MMP10: variants seen among roughly 807,000 people sequenced by gnomAD.
MMP10 encodes the protein stromelysin-2.
In MMP10, 50 loss-of-function variants were observed where a neutral mutation model predicts 49.1. That is an observed-to-expected ratio of 1.02 (90% CI 0.81 to 1.29). The LOEUF (loss-of-function observed/expected upper bound fraction) is 1.29. Ranked by LOEUF, MMP10 falls within the 50% of genes most tolerant of loss-of-function variation. The probability of loss-of-function intolerance (pLI) is 0.00; values close to 1 mark genes in which losing one functional copy is unlikely to be tolerated. For synonymous variants in MMP10, 229 were observed against 201.6 expected (o/e 1.14, Z -1.15); for missense variants, 613 against 563.8 (o/e 1.09, Z -0.88).
Position 102,778,741 on chromosome 11 carries a change from C to G in MMP10, c.505G>C (p.Asp169His). 4 of 1,613,766 alleles carry G rather than the reference C, an allele frequency of 2.5e-6. No homozygotes were observed. Among genetic ancestry groups the G allele is most frequent in the Non-Finnish European group, 3.4e-6 (4 of 1,179,886 alleles). ...MISFAVKEHG[D>H]FYSFDGPGHS... is the part of the protein sequence containing the mutation. ...CCTGGGCCATCAAAAGAGTAAAAGT[C>G]TCCATGTTCTGATAGGGAACAAATT... is the stretch of plus-strand genomic sequence containing the variant. The change falls in exon 4 of 10, where the codon GAC (aspartate) becomes CAC (histidine). Residue 169 changes from aspartate to histidine, a missense_variant. By Grantham distance (81) the Asp-to-His change is moderately conservative. Transcript: ENST00000279441.
chr11:102,777,447 G>A lies in MMP10; in HGVS notation c.623-671C>T, dbSNP rs530798338. On this transcript the variant is annotated intron_variant, in intron 4 of 9. Transcript: ENST00000279441. ...ATTTTTGTATTTTTGTTGAGATAAG[G>A]TTTCACCATGTTGGCTAGGCTGGTC... Among the ~76,000 whole-genome samples, 6 of 152,084 alleles carry A rather than the reference G, an allele frequency of 3.9e-5. No individual in the cohort carries two copies. The South Asian group carries it at 1.2e-3, about 32-fold the overall frequency.
intron 3 of MMP10, 29 bp from the exon 4 acceptor site, chr11:102,778,778 A>G: frequency 6.2e-7 from 1 of 1,610,842 alleles, no homozygotes; most frequent in Non-Finnish European, 8.5e-7. Flanking sequence ...ATGGAAATAT[A>G]AGTGTTCAGA....
chr11:102,779,784 T>C, intron 1 of MMP10, 39 bp from the exon 2 acceptor site: 1 of 1,582,536 alleles, frequency 6.3e-7, no homozygotes. Context: ...TTTTGTGATT[T>C]TCCATCATTT....
At chr11:102,771,611 G>A (rs1045292463) in intron 9 of MMP10, among the ~76,000 whole-genome samples, 2 of 152,176 alleles carry the variant, frequency 1.3e-5, no homozygotes, top group African/African-American at 4.8e-5. Context: ...CCCAGACAAG[G>A]CTCCCCTGGG....
At position 102,770,558 on chromosome 11, in the gene MMP10, A is replaced by C; in HGVS notation, c.*235T>G. On this transcript the variant is annotated 3_prime_UTR_variant, in exon 10 of 10. Transcript: ENST00000279441. ...TGAGGAAGTAATAACACATCTATGAAAATACATTCTCTCACCTATTGCACA... is the reference window on the plus strand; with the variant it reads ...TGAGGAAGTAATAACACATCTATGACAATACATTCTCTCACCTATTGCACA... 2.5e-6 allele frequency: 1 copy of C among 406,432 alleles called. No homozygotes were observed. Among genetic ancestry groups the C allele is most frequent in the Non-Finnish European group, 4.3e-6 (1 of 230,632 alleles). The allele number at this position is 406,432 out of a possible 1,614,324, so 25.2% of individuals were successfully genotyped here.
Position 102,770,787 on chromosome 11 carries a change from T to C in MMP10, c.*6A>G, listed in dbSNP as rs1565453683. On this transcript the variant is annotated 3_prime_UTR_variant, in exon 10 of 10. Transcript: ENST00000279441. Reference sequence around the variant, plus strand: ...AACACCCATATCTGTCTTCCCCCTATCTCGCCTAGCAATGTAACCAGCTGT... The same window carrying C: ...AACACCCATATCTGTCTTCCCCCTACCTCGCCTAGCAATGTAACCAGCTGT... 10 of 1,578,352 alleles carry C rather than the reference T, an allele frequency of 6.3e-6. No homozygotes were observed. Among genetic ancestry groups the C allele is most frequent in the Non-Finnish European group, 6.9e-6 (8 of 1,153,478 alleles).
rs756442264 is a variant in MMP10, at chr11:102,779,715, T to G, written c.136A>C (p.Lys46Gln). 3.1e-6 allele frequency: 5 copies of G among 1,613,814 alleles called. No individual in the cohort carries two copies. The African/African-American group carries it at 6.7e-5, about 22-fold the overall frequency. The change falls in exon 2 of 10, where the codon AAG (lysine) becomes CAG (glutamine). Residue 46 changes from lysine to glutamine, a missense_variant. Physicochemically the swap from Lys to Gln is moderately conservative, Grantham distance 53. Coordinates refer to ENST00000279441, the MANE Select transcript of MMP10 (RefSeq NM_002425.3). The part of the protein sequence containing the change: ...QYLEKYYNLE[K>Q]DVKQFRRKDS... The stretch of plus-strand genomic sequence containing the variant: ...TTTCTTCTAAACTGTTTCACATCCT[T>G]TTCGAGGTTGTAGTACTTTTCTAGG...
intron 4 of MMP10, among the ~76,000 whole-genome samples, chr11:102,777,592 A>G (rs1041290750): frequency 5.5e-4 from 84 of 152,144 alleles, no homozygotes; most frequent in African/African-American, 1.3e-3. Flanking sequence ...AAATCTTCCC[A>G]GTAATAGGTG....
chr11:102,774,779 C>T (rs1176469632), intron 7 of MMP10, among the ~76,000 whole-genome samples: 2 of 152,094 alleles, frequency 1.3e-5, no homozygotes, highest in Admixed American at 6.6e-5. Flanking sequence ...TACATCTTAC[C>T]GATTAAAGTT....
In MMP10 at chr11:102,779,695, T is replaced by C. The variant is rs1297241683; in HGVS notation, c.156A>G (p.Arg52=). 6.2e-7 allele frequency: 1 copy of C among 1,613,904 alleles called. No individual in the cohort carries two copies. The highest frequency in any genetic ancestry group is 8.5e-7 in the Non-Finnish European group (1 of 1,179,990). The part of the protein sequence containing the change: ...YNLEKDVKQF[R]RKDSNLIVKK... ...TAACAATGAGATTACTGTCCTTTCT[T>C]CTAAACTGTTTCACATCCTTTTCGA... is the stretch of plus-strand genomic sequence containing the variant. Residue 52 remains arginine, a synonymous_variant, in exon 2 of 10, where the codon AGA becomes AGG. Coordinates refer to ENST00000279441, the MANE Select transcript of MMP10 (RefSeq NM_002425.3).
chr11:102,774,638 C>G (rs1341407616), intron 7 of MMP10, among the ~76,000 whole-genome samples: 4 of 152,090 alleles, frequency 2.6e-5, no homozygotes, highest in Non-Finnish European at 4.4e-5. Context: ...AAAACTGACT[C>G]AAGAAGTAAT....
intron 1 of MMP10, among the ~76,000 whole-genome samples, chr11:102,779,993 A>G (rs1857803390): frequency 6.6e-6 from 1 of 152,210 alleles, no homozygotes; most frequent in African/African-American, 2.4e-5. Flanking sequence ...GTTTTTAAAG[A>G]AACCCTCTTT....
intron 7 of MMP10, among the ~76,000 whole-genome samples, 157 bp from the exon 8 acceptor site, chr11:102,773,163 C>T (rs547561): frequency 0.94 from 143,486 of 152,282 alleles, 67,713 homozygotes; most frequent in African/African-American, 0.99. Context: ...CCTGAATGAG[C>T]GAGTGAATGA....
rs1418427631 is a variant in MMP10 at position 102,772,796 on chromosome 11, A to G, written c.1226+51T>C. 6.4e-7 allele frequency: 1 copy of G among 1,565,346 alleles called. No homozygotes were observed. The highest frequency in any genetic ancestry group is 8.7e-7 in the Non-Finnish European group (1 of 1,155,522). ...TAGGGAAATATCCTTAAAGAAAGAA[A>G]ATAATTTTCTTAATCAGGCTTCATA... is the stretch of plus-strand genomic sequence containing the variant. On this transcript the variant is annotated intron_variant, in intron 8 of 9. Coordinates refer to ENST00000279441, the MANE Select transcript of MMP10 (RefSeq NM_002425.3). This position sits in a 1 kb window ranked among gnomAD's most constrained non-coding sequence, Gnocchi z 4.4.
chr11:102,770,803 A>G lies in MMP10; in HGVS notation c.1421T>C (p.Leu474Ser). 6.2e-7 allele frequency: 1 copy of G among 1,604,162 alleles called. No individual in the cohort carries two copies. The highest frequency in any genetic ancestry group is 8.5e-7 in the Non-Finnish European group (1 of 1,173,112). The change falls in exon 10 of 10, where the codon TTA (leucine) becomes TCA (serine). Residue 474 changes from leucine to serine, a missense_variant. Transcript: ENST00000279441. ...VTHILKSNSWLHC is the reference protein window; with the variant it reads ...VTHILKSNSWSHC The stretch of plus-strand genomic sequence containing the variant: ...TTCCCCCTATCTCGCCTAGCAATGT[A>G]ACCAGCTGTTACTCTTTAATATGTG...
At position 102,780,530 on chromosome 11, in the gene MMP10, C is replaced by G; in HGVS notation, c.62G>C (p.Ser21Thr). 6.2e-7 allele frequency: 1 copy of G among 1,614,008 alleles called. No individual in the cohort carries two copies. ...CLPVCSAYPL[S>T]GAAKEEDSNK... ...GGAGTCCTCCTCTTTTGCTGCCCCA[C>G]TCAGAGGATAGGCAGAGCAGACTGG... Residue 21 changes from serine (S) to threonine (T), a missense_variant, in exon 1 of 10, where the codon AGT becomes ACT. Ser to Thr is a moderately conservative substitution (Grantham distance 58, BLOSUM62 1). Coordinates refer to ENST00000279441, the MANE Select transcript of MMP10 (RefSeq NM_002425.3).
chr11:102,770,550 A>C lies in MMP10; in HGVS notation c.*243T>G. 1 of 396,476 alleles carries C rather than the reference A, an allele frequency of 2.5e-6. No homozygotes were observed. Among genetic ancestry groups the C allele is most frequent in the Non-Finnish European group, 4.5e-6 (1 of 224,368 alleles). The allele number at this position is 396,476 out of a possible 1,614,324, so 24.6% of individuals were successfully genotyped here. A position where few individuals can be genotyped will look rare whatever the true frequency, so the allele number is the denominator to read the frequency against. ...CTTTTTATTGAGGAAGTAATAACAC[A>C]TCTATGAAAATACATTCTCTCACCT... On this transcript the variant is annotated 3_prime_UTR_variant, in exon 10 of 10. Coordinates refer to ENST00000279441, the MANE Select transcript of MMP10 (RefSeq NM_002425.3).
At chr11:102,774,445 A>G (rs910203835) in intron 7 of MMP10, among the ~76,000 whole-genome samples, 8 of 152,080 alleles carry the variant, frequency 5.3e-5, no homozygotes, top group African/African-American at 1.7e-4. Flanking sequence ...CAGTAAAATT[A>G]TTACATATAT....
At chr11:102,774,942 G>A (rs1862007242) in intron 7 of MMP10, among the ~76,000 whole-genome samples, 1 of 152,144 alleles carries the variant, frequency 6.6e-6, no homozygotes, top group Non-Finnish European at 1.5e-5. Flanking sequence ...AAATGAAAAT[G>A]TCTTGTATCT....
Sources: allele counts gnomAD v4.1 joint callset (sites outside exome capture counted in the v4.1 genomes callset), GRCh38; gene constraint gnomAD v4.1.1; non-coding constraint Gnocchi (gnomAD v3.1); transcripts MANE v1.5; gene names NCBI Gene and HGNC (gene_info 2026-07-23, HGNC 2026-07-21).